The following TMEM267 variants were observed in gnomAD, a reference collection of about 807,000 sequenced individuals.
TMEM267 encodes the protein transmembrane protein 267.
In TMEM267, 20 loss-of-function variants were observed where a neutral mutation model predicts 19.3. That is an observed-to-expected ratio of 1.04 (90% CI 0.73 to 1.51). The LOEUF (loss-of-function observed/expected upper bound fraction) is 1.51, where lower values mean the gene tolerates loss of function less well. Among genes scored for constraint, TMEM267 ranks in the 40% most tolerant of loss-of-function variants. The pLI is 0.00. For missense variants in TMEM267, 242 were observed against 261.9 expected, an observed-to-expected ratio of 0.92 and a Z score of 0.52; for synonymous variants, 88 against 90.3, an observed-to-expected ratio of 0.97 and a Z score of 0.15.
chr5:43,471,073 G>A (rs2112163777), intron 1 of TMEM267, among the ~76,000 whole-genome samples: 1 of 151,948 alleles, frequency 6.6e-6, no homozygotes, highest in African/African-American at 2.4e-5. Flanking sequence ...ATAAAAGAGA[G>A]AAGATAAACA....
At chr5:43,455,703 A>G (rs1363280774) in intron 1 of TMEM267, among the ~76,000 whole-genome samples, 1 of 152,060 alleles carries the variant, frequency 6.6e-6, no homozygotes, top group Non-Finnish European at 1.5e-5. Context: ...GCCCGCCACC[A>G]TGCCTGGCTA....
intron 2 of TMEM267, among the ~76,000 whole-genome samples, chr5:43,450,412 T>A (rs551077299): frequency 1.2e-4 from 18 of 152,274 alleles, no homozygotes; most frequent in Non-Finnish European, 2.2e-4. Context: ...TATTTATTAC[T>A]GATAATCACA....
At chr5:43,463,851 C>T (rs964312412) in intron 1 of TMEM267, among the ~76,000 whole-genome samples, 17 of 152,236 alleles carry the variant, frequency 1.1e-4, no homozygotes, top group African/African-American at 2.2e-4. Context: ...CAATATCATA[C>T]GGAATGGGCA....
intron 2 of TMEM267, among the ~76,000 whole-genome samples, chr5:43,449,990 T>G (rs1379392193): frequency 1.3e-5 from 2 of 152,058 alleles, no homozygotes; most frequent in Admixed American, 1.3e-4. Flanking sequence ...ATGTAGCGTT[T>G]TTTTTTTTGT....
chr5:43,447,097 CT>C (rs201238947), intron 2 of TMEM267, among the ~76,000 whole-genome samples: 708 of 140,094 alleles, frequency 5.1e-3, no homozygotes, highest in Non-Finnish European at 5.1e-3. Flanking sequence ...CAGTAAATTT[CT>C]TTTTTTTTTT....
chr5:43,454,171 G>GTT lies in TMEM267; in HGVS notation c.-74-130_-74-129dup, dbSNP rs1742792194. ...ATGTAAATACTGGCAACTTTTACAT[G>GTT]TTATATATAATATGTCACATAGCCC... On this transcript the variant is annotated intron_variant, in intron 1 of 2. Coordinates refer to ENST00000397080, the MANE Select transcript of TMEM267 (RefSeq NM_022483.5). The GTT allele has an allele frequency of 7.0e-6, 3 of 429,280 alleles. 1 individual carries two copies. The South Asian group carries it at 1.0e-4, about 14-fold the overall frequency. 26.6% of individuals were successfully genotyped at this position (429,280 alleles called of 1,614,324 possible). A position where few individuals can be genotyped will look rare whatever the true frequency, so the allele number is the denominator to read the frequency against.
chr5:43,465,310 G>A (rs1339093432), intron 1 of TMEM267, among the ~76,000 whole-genome samples: 2 of 152,216 alleles, frequency 1.3e-5, no homozygotes, highest in African/African-American at 4.8e-5. Flanking sequence ...GGAAACAACA[G>A]GTGCTGGAGA....
intron 1 of TMEM267, among the ~76,000 whole-genome samples, chr5:43,469,304 C>G (rs1363094822): frequency 6.6e-6 from 1 of 151,616 alleles, no homozygotes; most frequent in Non-Finnish European, 1.5e-5. Context: ...CAAAGACACA[C>G]AAAAAAAGAA....
rs4404685 is a variant in TMEM267, at chr5:43,466,730, T to C, written c.-74-12687A>G. 4.7e-3 allele frequency among the ~76,000 whole-genome samples: 716 copies of C among 152,164 alleles called. 9 individuals are homozygous for C. Among genetic ancestry groups the C allele is most frequent in the African/African-American group, 0.017 (685 of 41,512 alleles). Reference sequence around the variant, plus strand: ...GGCAAAATAATGGGTTGTAAGAGTATCTACAAACCTCATAATAACCTCAAA... The same window carrying C: ...GGCAAAATAATGGGTTGTAAGAGTACCTACAAACCTCATAATAACCTCAAA... On this transcript the variant is annotated intron_variant, in intron 1 of 2. Coordinates refer to ENST00000397080, the MANE Select transcript of TMEM267 (RefSeq NM_022483.5).
intron 2 of TMEM267, among the ~76,000 whole-genome samples, chr5:43,452,102 AAAAAG>A (rs925789630): frequency 6.6e-6 from 1 of 151,514 alleles, no homozygotes; most frequent in African/African-American, 2.4e-5. Context: ...AAAAGAAAGA[AAAAAG>A]AAAAGAAATC....
chr5:43,450,423 T>G (rs1415629930), intron 2 of TMEM267, among the ~76,000 whole-genome samples: 1 of 152,254 alleles, frequency 6.6e-6, no homozygotes, highest in Non-Finnish European at 1.5e-5. Flanking sequence ...GATAATCACA[T>G]ACCACCTTAT....
At chr5:43,451,991 T>C (rs1305955931) in intron 2 of TMEM267, among the ~76,000 whole-genome samples, 1 of 149,962 alleles carries the variant, frequency 6.7e-6, no homozygotes, top group Non-Finnish European at 1.5e-5. Context: ...GGTGGGAGAA[T>C]TGCCTGAGCC....
At chr5:43,455,727 T>C (rs1177213451) in intron 1 of TMEM267, among the ~76,000 whole-genome samples, 1 of 152,092 alleles carries the variant, frequency 6.6e-6, no homozygotes, top group Non-Finnish European at 1.5e-5. Context: ...TTTTTGTTTG[T>C]ATTTTTAGTA....
At chr5:43,464,423 A>G (rs1743490624) in intron 1 of TMEM267, among the ~76,000 whole-genome samples, 1 of 152,196 alleles carries the variant, frequency 6.6e-6, no homozygotes, top group Non-Finnish European at 1.5e-5. Flanking sequence ...TCAAGTTACC[A>G]ATGACTTTCT....
chr5:43,446,293 A>T lies in TMEM267; in HGVS notation c.577T>A (p.Ser193Thr). The change falls in exon 3 of 3, where the codon TCA becomes ACA. Residue 193 changes from serine to threonine, a missense_variant. Physicochemically the swap from Ser to Thr is moderately conservative, Grantham distance 58. Transcript: ENST00000397080. Reference protein sequence around the residue: ...IITSSLPHICSFVMYLTGTRQ... With the variant: ...IITSSLPHICTFVMYLTGTRQ... ...GTTCCTGTTAAATACATAACGAATG[A>T]ACAGATGTGAGGTAAAGATGATGTG... The T allele has an allele frequency of 6.2e-7, 1 of 1,613,966 alleles. No individual in the cohort carries two copies. The highest frequency in any genetic ancestry group is 8.5e-7 in the Non-Finnish European group (1 of 1,179,800).
At chr5:43,473,679 T>C (rs1021239374) in intron 1 of TMEM267, among the ~76,000 whole-genome samples, 2 of 152,186 alleles carry the variant, frequency 1.3e-5, no homozygotes, top group African/African-American at 4.8e-5. Flanking sequence ...AAAATGGCCA[T>C]ACTGCCCAAA....
chr5:43,479,891 T>C, intron 1 of TMEM267: 1 of 443,456 alleles, frequency 2.3e-6, no homozygotes, highest in South Asian at 1.6e-5. Context: ...AAAACATACC[T>C]CCATTACAAA....
intron 1 of TMEM267, among the ~76,000 whole-genome samples, chr5:43,472,837 A>G (rs1223339533): frequency 6.6e-6 from 1 of 151,624 alleles, no homozygotes; most frequent in Non-Finnish European, 1.5e-5. Flanking sequence ...GGGATGGTTT[A>G]TGGGTACTAA....
chr5:43,457,720 T>C (rs1456885060), intron 1 of TMEM267, among the ~76,000 whole-genome samples: 1 of 152,188 alleles, frequency 6.6e-6, no homozygotes, highest in African/African-American at 2.4e-5. Context: ...TATCAGTTTA[T>C]AAAGTCTATT....
Sources: allele counts gnomAD v4.1 joint callset (sites outside exome capture counted in the v4.1 genomes callset), GRCh38; gene constraint gnomAD v4.1.1; transcripts MANE v1.5; gene names NCBI Gene and HGNC (gene_info 2026-07-23, HGNC 2026-07-21).